The following DMTF1 variants were observed in gnomAD, a reference collection of about 807,000 sequenced individuals.
DMTF1 encodes the protein cyclin D binding myb like transcription factor 1.
Under a neutral mutation model 91.1 loss-of-function variants are expected in DMTF1, and 39 were observed. The ratio of observed to expected loss-of-function variants is 0.43; its 90% CI spans 0.33 to 0.56. DMTF1 has a LOEUF of 0.56. Ranked by LOEUF, DMTF1 falls within the 20% of genes least tolerant of loss-of-function variation. DMTF1 has a pLI of 0.05. For synonymous variants in DMTF1, 338 were observed against 309.5 expected, an observed-to-expected ratio of 1.09 and a Z score of -0.97; for missense variants, 750 against 914.5, an observed-to-expected ratio of 0.82 and a Z score of 2.32.
intron 4 of DMTF1, among the ~76,000 whole-genome samples, chr7:87,170,323 G>A (rs1794781169): frequency 6.6e-6 from 1 of 152,132 alleles, no homozygotes; most frequent in South Asian, 2.1e-4. Flanking sequence ...AGCAGCCAGA[G>A]TGAGCCTCTT....
intron 2 of DMTF1, among the ~76,000 whole-genome samples, chr7:87,163,905 C>T (rs1793126670): frequency 6.6e-6 from 1 of 151,862 alleles, no homozygotes; most frequent in African/African-American, 2.4e-5. Context: ...GAGAGCCAGG[C>T]GTGTTGGCAC....
chr7:87,163,801 T>A (rs1026343052), intron 2 of DMTF1, among the ~76,000 whole-genome samples, 184 bp downstream of exon 2: 2 of 152,226 alleles, frequency 1.3e-5, no homozygotes, highest in African/African-American at 4.8e-5. Flanking sequence ...ACCATGTAAA[T>A]GTTAATATAT....
intron 1 of DMTF1, among the ~76,000 whole-genome samples, chr7:87,158,419 G>T (rs1791359491): frequency 6.6e-6 from 1 of 151,896 alleles, no homozygotes; most frequent in African/African-American, 2.4e-5. Context: ...TAAAATTTAA[G>T]GAATAAATCA....
Position 87,195,739 on chromosome 7 carries a change from C to A in DMTF1, c.*599C>A, listed in dbSNP as rs1801097802. The stretch of plus-strand genomic sequence containing the variant: ...GGAAAGCATTAAAAGTTAAAATTCA[C>A]TACAGGTTTTTTGTTACTTTTAAAG... On this transcript the variant is annotated 3_prime_UTR_variant, in exon 18 of 18. Transcript: ENST00000331242. 1 of 152,468 alleles carries A rather than the reference C, an allele frequency of 6.6e-6. No individual in the cohort carries two copies. The highest frequency in any genetic ancestry group is 1.9e-4 in the East Asian group (1 of 5,192). 9.4% of individuals were successfully genotyped at this position (152,468 alleles called of 1,614,324 possible).
At chr7:87,161,064 T>TA (rs1198690239) in intron 1 of DMTF1, among the ~76,000 whole-genome samples, 1 of 152,062 alleles carries the variant, frequency 6.6e-6, no homozygotes, top group Non-Finnish European at 1.5e-5. Context: ...CTAATATTAA[T>TA]AAAAATAACC....
chr7:87,165,278 T>C (rs1368014019), intron 3 of DMTF1, among the ~76,000 whole-genome samples: 1 of 81,256 alleles, frequency 1.2e-5, no homozygotes, highest in Non-Finnish European at 3.2e-5. Flanking sequence ...AACTATAATA[T>C]ATACTTCTTT....
intron 10 of DMTF1, among the ~76,000 whole-genome samples, chr7:87,183,687 A>G (rs1797836588): frequency 6.6e-6 from 1 of 152,258 alleles, no homozygotes; most frequent in South Asian, 2.1e-4. Flanking sequence ...AAATGGAAAC[A>G]GAGGTAAAGA....
chr7:87,192,411 T>C (rs972814341), intron 14 of DMTF1: 2 of 152,092 alleles, frequency 1.3e-5, no homozygotes, highest in African/African-American at 4.8e-5. Context: ...CATAATCATT[T>C]CTAATCCCAA....
chr7:87,171,189 T>A, intron 5 of DMTF1, 100 bp downstream of exon 5: 1 of 753,732 alleles, frequency 1.3e-6, no homozygotes, highest in Non-Finnish European at 2.1e-6. Context: ...TAGCGAGGAC[T>A]ACTGGCACAT....
chr7:87,154,925 CCTTT>C (rs1330353184), intron 1 of DMTF1, among the ~76,000 whole-genome samples: 4 of 152,156 alleles, frequency 2.6e-5, no homozygotes, highest in Admixed American at 6.5e-5. Context: ...AAAAATCTTA[CCTTT>C]CTATTAGCCT....
intron 9 of DMTF1, 32 bp downstream of exon 9, chr7:87,181,373 A>G: frequency 1.8e-6 from 2 of 1,081,460 alleles, no homozygotes; most frequent in Non-Finnish European, 2.7e-6. Flanking sequence ...ATTAATTCTA[A>G]TTTTTTATGT....
chr7:87,181,069 C>T (rs948717220), intron 8 of DMTF1: 5 of 233,850 alleles, frequency 2.1e-5, no homozygotes. Flanking sequence ...AGGCTGGTCT[C>T]GAACTCCTTG....
At chr7:87,164,246 C>G (rs1793261697) in intron 2 of DMTF1, 1 of 152,078 alleles carries the variant, frequency 6.6e-6, no homozygotes, top group Admixed American at 6.5e-5. Context: ...TACCTTTCCC[C>G]CCACTAGCCA....
chr7:87,184,914 T>G (rs769291111), intron 11 of DMTF1: 1 of 517,882 alleles, frequency 1.9e-6, no homozygotes, highest in Non-Finnish European at 3.7e-6. Context: ...GCAGCGGCAG[T>G]GTAGCTTTTC....
At chr7:87,176,414 A>G (rs1796277904) in intron 7 of DMTF1, among the ~76,000 whole-genome samples, 1 of 152,228 alleles carries the variant, frequency 6.6e-6, no homozygotes, top group South Asian at 2.1e-4. Context: ...CTGAACTTTG[A>G]GAATTAAGCT....
chr7:87,194,652 T>G (rs1371663201), intron 16 of DMTF1, 32 bp from the exon 17 acceptor site: 8 of 1,523,906 alleles, frequency 5.2e-6, no homozygotes, highest in Non-Finnish European at 7.2e-6. Flanking sequence ...AGTAAGAATA[T>G]GAGTCAATAT....
intron 7 of DMTF1, among the ~76,000 whole-genome samples, chr7:87,178,514 A>G (rs1428146455): frequency 1.3e-5 from 2 of 151,940 alleles, no homozygotes; most frequent in Non-Finnish European, 2.9e-5. Flanking sequence ...ATTTTTTTCC[A>G]TAAATTTGCT....
At chr7:87,159,310 C>T (rs1024814245) in intron 1 of DMTF1, among the ~76,000 whole-genome samples, 2 of 152,164 alleles carry the variant, frequency 1.3e-5, no homozygotes, top group African/African-American at 4.8e-5. Context: ...GTAAGCCACT[C>T]TCCACTGATA....
chr7:87,161,665 G>A (rs938243626), intron 1 of DMTF1, among the ~76,000 whole-genome samples: 1 of 152,204 alleles, frequency 6.6e-6, no homozygotes, highest in African/African-American at 2.4e-5. Context: ...AACATGAGTT[G>A]CAGAACTTTA....
Sources: gnomAD v4.1 joint callset for allele counts (sites outside exome capture counted in the v4.1 genomes callset) on GRCh38, gnomAD v4.1.1 for gene constraint, MANE v1.5 for transcripts, NCBI Gene and HGNC (gene_info 2026-07-23, HGNC 2026-07-21) for gene names.